The following EPS8L2 variants were observed in gnomAD, a reference collection of about 807,000 sequenced individuals.
The protein encoded by EPS8L2 is EPS8 signaling adaptor L2, also known as epidermal growth factor receptor kinase substrate 8-like protein 2.
EPS8L2 carries 81 observed loss-of-function variants against 99.4 expected under a neutral mutation model. The observed-to-expected ratio is 0.82, with a 90% CI of 0.68 to 0.98. The LOEUF is 0.98. Among genes scored for constraint, EPS8L2 ranks in the 50% least tolerant of loss-of-function variants. The probability of loss-of-function intolerance (pLI) is 0.00; values close to 1 mark genes in which losing one functional copy is unlikely to be tolerated. For missense variants in EPS8L2, 1,155 were observed against 968.8 expected (o/e 1.19, Z -2.55); for synonymous variants, 509 against 407.3 (o/e 1.25, Z -3.01).
chr11:725,780 C>CG lies in EPS8L2; in HGVS notation c.1617dup (p.Tyr540ValfsTer231), dbSNP rs1862297641. ...AAGCTGCGCAGCCGCAGCGGCCAGG[C>CG]GGGGTACGTGCCCTGCAACATCCTA... is the stretch of plus-strand genomic sequence containing the variant. On this transcript the variant is annotated frameshift_variant, in exon 17 of 21. Coordinates refer to ENST00000318562, the MANE Select transcript of EPS8L2 (RefSeq NM_022772.4). LOFTEE classifies it high-confidence loss of function. 3.7e-6 allele frequency: 5 copies of CG among 1,364,988 alleles called. No homozygotes were observed. Among genetic ancestry groups the CG allele is most frequent in the Non-Finnish European group, 3.8e-6 (4 of 1,062,474 alleles). 84.6% of individuals were successfully genotyped at this position (1,364,988 alleles called of 1,614,324 possible).
chr11:721,023 G>GCGTTC (rs750500976), intron 7 of EPS8L2, 41 bp from the exon 8 acceptor site: 1 of 1,472,364 alleles, frequency 6.8e-7, no homozygotes, highest in South Asian at 1.3e-5. Context: ...AGGGTCAGGT[G>GCGTTC]CGTTCCCGGC....
chr11:726,818 C>T lies in EPS8L2; in HGVS notation c.2067+67C>T, dbSNP rs2133543837. 1.9e-6 allele frequency: 3 copies of T among 1,582,388 alleles called. No homozygotes were observed. The East Asian group carries it at 6.8e-5, about 36-fold the overall frequency. On this transcript the variant is annotated intron_variant, in intron 20 of 20. Transcript: ENST00000318562. ...TGCGCCCTCCTCTCCCCCGCCCGTT[C>T]CTGGGGTCGCAGAGCAAGGGGGAGG...
At chr11:720,996 G>GAGCCCGGCAGGGGAGGGGAGT in intron 7 of EPS8L2, 68 bp from the exon 8 acceptor site, 1 of 1,458,312 alleles carries the variant, frequency 6.9e-7, no homozygotes, top group Non-Finnish European at 9.2e-7. Flanking sequence ...GGGAGGGGAG[G>GAGCCCGGCAGGGGAGGGGAGT]AGCCCGGCAG....
At position 724,829 on chromosome 11, in the gene EPS8L2, G is replaced by A. The variant is rs1267617224; in HGVS notation, c.1560G>A (p.Glu520=). ...ELSVLKDEVL[E]VLEDGRQWWK... ...CGGTGCTCAAGGATGAGGTCCTAGA[G>A]GTGAGGGGCTGGAGGACGGGGTCCA... The change falls in exon 16 of 21, where the codon GAG becomes GAA. Residue 520 remains glutamate, a splice_region_variant and synonymous_variant. Transcript: ENST00000318562. The surrounding 1 kb of genome is among the most constrained non-coding windows in gnomAD (Gnocchi z 5.5). 3 of 1,609,200 alleles carry A rather than the reference G, an allele frequency of 1.9e-6. No homozygotes were observed. The highest frequency in any genetic ancestry group is 1.3e-5 in the African/African-American group (1 of 74,850).
intron 1 of EPS8L2, among the ~76,000 whole-genome samples, chr11:707,697 C>T (rs1214595941): frequency 2.0e-5 from 3 of 151,990 alleles, no homozygotes; most frequent in South Asian, 2.1e-4. Flanking sequence ...CACTGCTGCC[C>T]GGCCCTGCCT....
chr11:720,089 A>G lies in EPS8L2; in HGVS notation c.193A>G (p.Ser65Gly). 6.2e-7 allele frequency: 1 copy of G among 1,613,092 alleles called. No individual in the cohort carries two copies. The highest frequency in any genetic ancestry group is 1.1e-5 in the South Asian group (1 of 91,064). Reference protein sequence around the residue: ...QHLATFIMDKSEAITSVDDAI... With the variant: ...QHLATFIMDKGEAITSVDDAI... ...CCTGGCCACATTCATCATGGACAAG[A>G]GCGAAGCCATCACGTCTGTGGACGA... The change falls in exon 5 of 21, where the codon AGC becomes GGC. Residue 65 changes from serine (S) to glycine (G), a missense_variant. Transcript: ENST00000318562.
At chr11:719,171 T>C (rs925738142) in intron 4 of EPS8L2, among the ~76,000 whole-genome samples, 1 of 150,332 alleles carries the variant, frequency 6.7e-6, no homozygotes, top group African/African-American at 2.5e-5. Context: ...TTCACCATGT[T>C]GGCTAGGCTG....
Position 720,864 on chromosome 11 carries a change from T to C in EPS8L2, c.512T>C (p.Leu171Ser), listed in dbSNP as rs1165434719. 3 of 1,482,488 alleles carry C rather than the reference T, an allele frequency of 2.0e-6. No individual in the cohort carries two copies. The highest frequency in any genetic ancestry group is 1.8e-6 in the Non-Finnish European group (2 of 1,111,704). The allele number at this position is 1,482,488 out of a possible 1,614,324, so 91.8% of individuals were successfully genotyped here. A position where few individuals can be genotyped will look rare whatever the true frequency, so the allele number is the denominator to read the frequency against. ...GTGCACGAGGACATCGAGAGCGCGT[T>C]GGCCGACTGCCGGCTGGGCAAGAAG... ...ELVHEDIESA[L>S]ADCRLGKKMR... Residue 171 changes from leucine (L) to serine (S), a missense_variant, in exon 7 of 21, where the codon TTG becomes TCG. By Grantham distance (145) the Leu-to-Ser change is moderately radical (BLOSUM62 -2). Coordinates refer to ENST00000318562, the MANE Select transcript of EPS8L2 (RefSeq NM_022772.4).
rs1862342097 is a variant in EPS8L2, at chr11:726,766, G to C, written c.2067+15G>C. ...CCTTCCTGGAGGTGAGCCCGCCTGC[G>C]CTCCGGCGCCACGCCCCTCCTGCCC... On this transcript the variant is annotated intron_variant, in intron 20 of 20. Transcript: ENST00000318562. 6.3e-7 allele frequency: 1 copy of C among 1,585,022 alleles called. No individual in the cohort carries two copies. Among genetic ancestry groups the C allele is most frequent in the Non-Finnish European group, 8.6e-7 (1 of 1,167,322 alleles).
chr11:725,386 C>T (rs1316037722), intron 16 of EPS8L2, among the ~76,000 whole-genome samples: 1 of 152,200 alleles, frequency 6.6e-6, no homozygotes, highest in Non-Finnish European at 1.5e-5. Context: ...TGGTGTGTGC[C>T]TGTGGTCCCA....
intron 4 of EPS8L2, among the ~76,000 whole-genome samples, chr11:715,838 T>G (rs1862010992): frequency 6.6e-6 from 1 of 151,970 alleles, no homozygotes; most frequent in Non-Finnish European, 1.5e-5. Context: ...GCCAGGATGG[T>G]CTCGATCTCA....
At chr11:722,921 C>T in intron 14 of EPS8L2, 116 bp downstream of exon 14, 2 of 584,198 alleles carry the variant, frequency 3.4e-6, no homozygotes, top group Non-Finnish European at 5.7e-6. Context: ...AGCCCTGACA[C>T]CCACCCCTCC....
chr11:726,014 G>A (rs1051091026), intron 17 of EPS8L2, 84 bp from the exon 18 acceptor site: 5 of 1,105,510 alleles, frequency 4.5e-6, no homozygotes, highest in African/African-American at 3.2e-5. Flanking sequence ...GCTGTAGGGG[G>A]ATTGGCGGGG....
At chr11:723,378 G>T in intron 15 of EPS8L2, 25 bp downstream of exon 15, 2 of 1,109,608 alleles carry the variant, frequency 1.8e-6, no homozygotes, top group African/African-American at 1.6e-5. Flanking sequence ...AAGTGAGGGA[G>T]CATGAAAGTG....
chr11:721,807 A>AAGGTCC lies in EPS8L2; in HGVS notation c.896-93_896-88dup, dbSNP rs1429539787. ...TGGGGGCTACTCATGGAGGTGGAGG[A>AAGGTCC]AGGTCCAGCCCACACAGATGGGCTG... On this transcript the variant is annotated intron_variant, in intron 10 of 20. Coordinates refer to ENST00000318562, the MANE Select transcript of EPS8L2 (RefSeq NM_022772.4). The AAGGTCC allele has an allele frequency of 2.7e-6, 4 of 1,509,274 alleles. No homozygotes were observed. The East Asian group carries it at 9.4e-5, about 35-fold the overall frequency. 93.5% of individuals were successfully genotyped at this position (1,509,274 alleles called of 1,614,324 possible). A position where few individuals can be genotyped will look rare whatever the true frequency, so the allele number is the denominator to read the frequency against.
chr11:719,014 G>A (rs1192941042), intron 4 of EPS8L2, among the ~76,000 whole-genome samples: 2 of 142,866 alleles, frequency 1.4e-5, no homozygotes, highest in East Asian at 4.1e-4. Flanking sequence ...TGCCCAGCCT[G>A]GAGTGTAGTG....
At chr11:725,177 A>C (rs1862281383) in intron 16 of EPS8L2, among the ~76,000 whole-genome samples, 1 of 152,172 alleles carries the variant, frequency 6.6e-6, no homozygotes, top group African/African-American at 2.4e-5. Flanking sequence ...AATCCAGGCC[A>C]CCCACTGGGG....
At position 724,752 on chromosome 11, in the gene EPS8L2, A is replaced by G. The variant is rs752208423; in HGVS notation, c.1483A>G (p.Lys495Glu). Reference sequence around the variant, plus strand: ...CTACCAGCCAACACCAGCCATGGCCAAGTACGTCAAGATCCTGTATGACTT... The same window carrying G: ...CTACCAGCCAACACCAGCCATGGCCGAGTACGTCAAGATCCTGTATGACTT... ...RGYQPTPAMA[K>E]YVKILYDFTA... The change falls in exon 16 of 21, where the codon AAG (lysine) becomes GAG (glutamate). Residue 495 changes from lysine (K) to glutamate (E), a missense_variant. Coordinates refer to ENST00000318562, the MANE Select transcript of EPS8L2 (RefSeq NM_022772.4). The surrounding 1 kb of genome is among the most constrained non-coding windows in gnomAD (Gnocchi z 5.5). The G allele has an allele frequency of 1.4e-5, 23 of 1,613,542 alleles. No individual in the cohort carries two copies. Among genetic ancestry groups the G allele is most frequent in the Non-Finnish European group, 1.9e-5 (23 of 1,179,938 alleles).
rs1187429337 is a variant in EPS8L2 at position 724,674 on chromosome 11, C to T, written c.1455-50C>T. ...TGCCCCCCAGCCACTGCCCAGGTCTCAGAGGAGACCCCCACCAGACTGGGC... is the reference window on the plus strand; with the variant it reads ...TGCCCCCCAGCCACTGCCCAGGTCTTAGAGGAGACCCCCACCAGACTGGGC... On this transcript the variant is annotated intron_variant, in intron 15 of 20. Coordinates refer to ENST00000318562, the MANE Select transcript of EPS8L2 (RefSeq NM_022772.4). This position sits in a 1 kb window ranked among gnomAD's most constrained non-coding sequence, Gnocchi z 5.5. 4 of 1,386,784 alleles carry T rather than the reference C, an allele frequency of 2.9e-6. No individual in the cohort carries two copies. The East Asian group carries it at 6.8e-5, about 24-fold the overall frequency. 85.9% of individuals were successfully genotyped at this position (1,386,784 alleles called of 1,614,324 possible). A position where few individuals can be genotyped will look rare whatever the true frequency, so the allele number is the denominator to read the frequency against.
Sources: allele counts gnomAD v4.1 joint callset (sites outside exome capture counted in the v4.1 genomes callset), GRCh38; gene constraint gnomAD v4.1.1; non-coding constraint Gnocchi (gnomAD v3.1); transcripts MANE v1.5; gene names NCBI Gene and HGNC (gene_info 2026-07-23, HGNC 2026-07-21).